The following CHSY3 variants were observed in gnomAD, a reference collection of about 807,000 sequenced individuals.
CHSY3 encodes the protein N-acetylgalactosaminyl-proteoglycan 3-beta-glucuronosyltransferase 3.
A neutral mutation model predicts 67.2 loss-of-function variants in CHSY3; 35 were observed. The ratio of observed to expected loss-of-function variants is 0.52; its 90% CI spans 0.40 to 0.69. The LOEUF (loss-of-function observed/expected upper bound fraction) is 0.69, where lower values mean the gene tolerates loss of function less well. Ranked by LOEUF, CHSY3 falls within the 30% of genes least tolerant of loss-of-function variation. CHSY3 has a pLI of 0.00. For missense variants in CHSY3, 1,069 were observed against 1,138.5 expected, an observed-to-expected ratio of 0.94 and a Z score of 0.88; for synonymous variants, 474 against 434.7, an observed-to-expected ratio of 1.09 and a Z score of -1.12.
chr5:129,910,794 A>G (rs1418520729), intron 2 of CHSY3, among the ~76,000 whole-genome samples: 1 of 151,966 alleles, frequency 6.6e-6, no homozygotes. Flanking sequence ...ATTATATAGA[A>G]AGATTGGTCT....
intron 2 of CHSY3, among the ~76,000 whole-genome samples, chr5:130,014,770 G>C (rs897600226): frequency 1.3e-5 from 2 of 152,078 alleles, no homozygotes; most frequent in African/African-American, 4.8e-5. Flanking sequence ...AAAATTCCAG[G>C]AAATACTATT....
At chr5:130,124,807 A>G (rs1189466038) in intron 2 of CHSY3, among the ~76,000 whole-genome samples, 1 of 152,124 alleles carries the variant, frequency 6.6e-6, no homozygotes, top group Non-Finnish European at 1.5e-5. Context: ...CCTATGTAAA[A>G]TTGCATGTTT....
rs140702934 is a variant in CHSY3, at chr5:129,978,519, C to A, written c.1086+70159C>A. Among the ~76,000 whole-genome samples, 22 of 152,208 alleles carry A rather than the reference C, an allele frequency of 1.4e-4. No homozygotes were observed. The East Asian group carries it at 4.2e-3, about 29-fold the overall frequency. ...ATGCAGTTTAACAGAACTTTGAACA[C>A]CTGCTACATCTTATGTTCTATATTC... On this transcript the variant is annotated intron_variant, in intron 2 of 2. Coordinates refer to ENST00000305031, the MANE Select transcript of CHSY3 (RefSeq NM_175856.5).
At chr5:130,014,018 C>T (rs185377541) in intron 2 of CHSY3, among the ~76,000 whole-genome samples, 14 of 152,310 alleles carry the variant, frequency 9.2e-5, no homozygotes, top group African/African-American at 3.1e-4. Context: ...ATCCCTAAAG[C>T]ACTGCACAAT....
chr5:130,055,150 T>A (rs1454482751), intron 2 of CHSY3, among the ~76,000 whole-genome samples: 1 of 152,148 alleles, frequency 6.6e-6, no homozygotes, highest in East Asian at 1.9e-4. Context: ...GCATGTACTC[T>A]GATCCCCATC....
At chr5:129,927,586 T>C (rs1370764360) in intron 2 of CHSY3, among the ~76,000 whole-genome samples, 1 of 151,998 alleles carries the variant, frequency 6.6e-6, no homozygotes, top group East Asian at 1.9e-4. Flanking sequence ...ACTGTAATAA[T>C]TGAAGGAAAA....
intron 2 of CHSY3, among the ~76,000 whole-genome samples, chr5:130,133,771 TAA>T (rs758023976): frequency 0.13 from 7,475 of 57,494 alleles, 321 homozygotes; most frequent in East Asian, 0.33. Flanking sequence ...GACTCCGTCT[TAA>T]AAAAAAAAAA....
intron 2 of CHSY3, among the ~76,000 whole-genome samples, chr5:130,142,567 A>T (rs1413944906): frequency 6.6e-6 from 1 of 152,194 alleles, no homozygotes; most frequent in East Asian, 1.9e-4. Flanking sequence ...AAGGGTTTTC[A>T]TTTTTATTAT....
intron 2 of CHSY3, among the ~76,000 whole-genome samples, chr5:129,974,510 T>C (rs975857073): frequency 5.9e-5 from 9 of 152,114 alleles, no homozygotes; most frequent in Admixed American, 4.6e-4. Flanking sequence ...TTGTCTCCGC[T>C]GAAAATCAAA....
intron 2 of CHSY3, among the ~76,000 whole-genome samples, chr5:129,921,987 AAC>A (rs1384406111): frequency 1.3e-5 from 2 of 152,036 alleles, no homozygotes; most frequent in Non-Finnish European, 2.9e-5. Context: ...TTCCCACTTT[AAC>A]ACACTCTACC....
At chr5:130,101,334 A>G (rs1035307827) in intron 2 of CHSY3, among the ~76,000 whole-genome samples, 2 of 152,178 alleles carry the variant, frequency 1.3e-5, no homozygotes, top group African/African-American at 4.8e-5. Flanking sequence ...ATTTCTCAAA[A>G]TCACCATTGA....
At chr5:130,042,271 T>A (rs1765026980) in intron 2 of CHSY3, among the ~76,000 whole-genome samples, 1 of 152,068 alleles carries the variant, frequency 6.6e-6, no homozygotes, top group African/African-American at 2.4e-5. Flanking sequence ...TTACAGGATA[T>A]CATTGCTACC....
chr5:130,018,157 T>C (rs975216966), intron 2 of CHSY3, among the ~76,000 whole-genome samples: 1 of 152,202 alleles, frequency 6.6e-6, no homozygotes, highest in African/African-American at 2.4e-5. Context: ...TTCACATTCT[T>C]ATTTGTAAAA....
At chr5:130,117,862 G>C (rs1415591537) in intron 2 of CHSY3, among the ~76,000 whole-genome samples, 2 of 152,100 alleles carry the variant, frequency 1.3e-5, no homozygotes, top group Non-Finnish European at 2.9e-5. Context: ...TTGGATGTTT[G>C]TCTCCTCCAT....
intron 2 of CHSY3, among the ~76,000 whole-genome samples, chr5:130,113,572 G>C (rs983054255): frequency 6.6e-6 from 1 of 152,034 alleles, no homozygotes; most frequent in Non-Finnish European, 1.5e-5. Context: ...TTTTATTCTG[G>C]GACTTGGCAC....
chr5:130,087,117 C>T (rs1766665179), intron 2 of CHSY3, among the ~76,000 whole-genome samples: 1 of 152,016 alleles, frequency 6.6e-6, no homozygotes, highest in East Asian at 1.9e-4. Context: ...AGACAAAAAC[C>T]ACATGATTAT....
chr5:130,034,428 C>T (rs1040371625), intron 2 of CHSY3, among the ~76,000 whole-genome samples: 7 of 152,062 alleles, frequency 4.6e-5, no homozygotes, highest in Non-Finnish European at 7.4e-5. Flanking sequence ...GAAATCTTAG[C>T]GCTGCCAATT....
chr5:130,010,261 A>G lies in CHSY3; in HGVS notation c.1086+101901A>G, dbSNP rs573906301. The stretch of plus-strand genomic sequence containing the variant: ...AAGCAATTCTCAACAAATTATAAAA[A>G]CCAAAATTATACCAGCCATACTCTT... On this transcript the variant is annotated intron_variant, in intron 2 of 2. Coordinates refer to ENST00000305031, the MANE Select transcript of CHSY3 (RefSeq NM_175856.5). Among the ~76,000 whole-genome samples the G allele has an allele frequency of 4.5e-4, 69 of 152,292 alleles. 1 individual carries two copies. The highest frequency in any genetic ancestry group is 3.1e-3 in the South Asian group (15 of 4,824).
chr5:129,969,447 A>C (rs1453594768), intron 2 of CHSY3, among the ~76,000 whole-genome samples: 1 of 151,890 alleles, frequency 6.6e-6, no homozygotes, highest in Non-Finnish European at 1.5e-5. Flanking sequence ...AGCTAATTGT[A>C]GTTAAGGCAT....
Sources: gnomAD v4.1 joint callset for allele counts (sites outside exome capture counted in the v4.1 genomes callset) on GRCh38, gnomAD v4.1.1 for gene constraint, MANE v1.5 for transcripts, NCBI Gene and HGNC (gene_info 2026-07-23, HGNC 2026-07-21) for gene names.